The following PALS2 variants were observed in gnomAD, a reference collection of about 807,000 sequenced individuals.
The protein encoded by PALS2 is protein associated with LIN7 2, MAGUK p55 family member.
Under a neutral mutation model 61.6 loss-of-function variants are expected in PALS2, and 27 were observed. That is an observed-to-expected ratio of 0.44 (90% CI 0.32 to 0.60). The LOEUF is 0.60. Among genes scored for constraint, PALS2 ranks in the 20% least tolerant of loss-of-function variants. The pLI, the probability that PALS2 is intolerant of heterozygous loss-of-function variation, is 0.05. For missense variants in PALS2, 554 were observed against 639.4 expected (o/e 0.87, Z 1.44); for synonymous variants, 236 against 218.6 (o/e 1.08, Z -0.70).
intron 1 of PALS2, among the ~76,000 whole-genome samples, chr7:24,581,543 C>T (rs559665797): frequency 2.0e-5 from 3 of 152,274 alleles, no homozygotes; most frequent in African/African-American, 7.2e-5. Context: ...GTCCCATCTT[C>T]ATCACTTTCT....
intron 1 of PALS2, among the ~76,000 whole-genome samples, chr7:24,600,539 GA>G (rs1484529754): frequency 6.6e-6 from 1 of 152,104 alleles, no homozygotes; most frequent in Admixed American, 6.6e-5. Context: ...AGTTTCTTAT[GA>G]GAATGGAATT....
intron 2 of PALS2, among the ~76,000 whole-genome samples, chr7:24,627,132 C>T (rs1050501042): frequency 6.6e-6 from 1 of 152,118 alleles, no homozygotes; most frequent in East Asian, 1.9e-4. Context: ...CAGTCCTCAG[C>T]AAATGCAAAA....
At chr7:24,590,140 G>A (rs941649330) in intron 1 of PALS2, among the ~76,000 whole-genome samples, 1 of 152,134 alleles carries the variant, frequency 6.6e-6, no homozygotes, top group South Asian at 2.1e-4. Flanking sequence ...ATTTAAGTGC[G>A]CACAGACTTC....
chr7:24,611,762 G>A (rs537210112), intron 1 of PALS2, among the ~76,000 whole-genome samples: 13 of 152,106 alleles, frequency 8.5e-5, no homozygotes, highest in African/African-American at 3.1e-4. Flanking sequence ...GTTGTGTATA[G>A]GTGGTGGTAA....
chr7:24,607,972 A>G (rs1461719601), intron 1 of PALS2, among the ~76,000 whole-genome samples: 1 of 152,138 alleles, frequency 6.6e-6, no homozygotes, highest in Non-Finnish European at 1.5e-5. Context: ...AGGGGAGAAG[A>G]TCAGTTTTTG....
Position 24,687,281 on chromosome 7 carries a change from G to C in PALS2, c.1447-157G>C, listed in dbSNP as rs1332076030. 6.6e-6 allele frequency among the ~76,000 whole-genome samples: 1 copy of C among 152,222 alleles called. No homozygotes were observed. Among genetic ancestry groups the C allele is most frequent in the East Asian group, 1.9e-4 (1 of 5,202 alleles). On this transcript the variant is annotated intron_variant, in intron 11 of 11. Transcript: ENST00000222644. This position sits in a 1 kb window ranked among gnomAD's most constrained non-coding sequence, Gnocchi z 4.5. Reference sequence around the variant, plus strand: ...AAGAATAAGACATGAACAGATGGCAGTGTTGTCTTTAACACTATATGGATT... The same window carrying C: ...AAGAATAAGACATGAACAGATGGCACTGTTGTCTTTAACACTATATGGATT...
At chr7:24,606,053 G>A (rs1783887467) in intron 1 of PALS2, among the ~76,000 whole-genome samples, 1 of 152,058 alleles carries the variant, frequency 6.6e-6, no homozygotes, top group African/African-American at 2.4e-5. Context: ...ATGTTAGTTT[G>A]TGCTTTTTAT....
chr7:24,584,540 T>G (rs1275668026), intron 1 of PALS2, among the ~76,000 whole-genome samples: 1 of 149,756 alleles, frequency 6.7e-6, no homozygotes, highest in Non-Finnish European at 1.5e-5. Flanking sequence ...TTGTTTGAGT[T>G]CATTGTAGAT....
chr7:24,664,561 T>A (rs1251076732), intron 6 of PALS2, among the ~76,000 whole-genome samples: 2 of 152,150 alleles, frequency 1.3e-5, no homozygotes, highest in Non-Finnish European at 2.9e-5. Flanking sequence ...TGTTGGTAAC[T>A]CACATTAGCT....
intron 11 of PALS2, among the ~76,000 whole-genome samples, chr7:24,680,820 T>C (rs1433680659): frequency 6.6e-6 from 1 of 152,164 alleles, no homozygotes; most frequent in African/African-American, 2.4e-5. Context: ...GGTCTTGAAC[T>C]CCTGACCTCA....
intron 5 of PALS2, among the ~76,000 whole-genome samples, chr7:24,651,978 T>G (rs1786176095): frequency 6.6e-6 from 1 of 152,176 alleles, no homozygotes; most frequent in Non-Finnish European, 1.5e-5. Flanking sequence ...TAATTAACTT[T>G]GGTTGAAATG....
At chr7:24,680,689 G>A (rs1241213037) in intron 11 of PALS2, among the ~76,000 whole-genome samples, 169 bp downstream of exon 11, 5 of 152,140 alleles carry the variant, frequency 3.3e-5, no homozygotes, top group African/African-American at 7.2e-5. Context: ...TCCCCGTCCC[G>A]GGTTCAAGCG....
At chr7:24,577,142 TAGTA>T (rs1373334711) in intron 1 of PALS2, among the ~76,000 whole-genome samples, 2 of 152,166 alleles carry the variant, frequency 1.3e-5, no homozygotes, top group Non-Finnish European at 2.9e-5. Flanking sequence ...ATCTTTATCA[TAGTA>T]AGTATATTCA....
chr7:24,585,631 C>T (rs891118142), intron 1 of PALS2, among the ~76,000 whole-genome samples: 3 of 152,134 alleles, frequency 2.0e-5, no homozygotes, highest in Admixed American at 1.3e-4. Flanking sequence ...CTCTGTCTGT[C>T]CTTATTCTCA....
chr7:24,632,860 T>C (rs1785058473), intron 2 of PALS2, among the ~76,000 whole-genome samples: 1 of 152,160 alleles, frequency 6.6e-6, no homozygotes, highest in Non-Finnish European at 1.5e-5. Flanking sequence ...CTAAACATTG[T>C]ATGTGATTTC....
At chr7:24,612,640 AT>A (rs1395633096) in intron 1 of PALS2, among the ~76,000 whole-genome samples, 1 of 151,694 alleles carries the variant, frequency 6.6e-6, no homozygotes, top group East Asian at 1.9e-4. Context: ...TTTTAGTCTT[AT>A]TTGGTTATTA....
At chr7:24,575,470 C>G (rs1049695169) in intron 1 of PALS2, among the ~76,000 whole-genome samples, 2 of 152,106 alleles carry the variant, frequency 1.3e-5, no homozygotes, top group African/African-American at 2.4e-5. Flanking sequence ...ACTACATAGC[C>G]TGCTTCTCTC....
At chr7:24,657,543 T>A (rs953444648) in intron 5 of PALS2, among the ~76,000 whole-genome samples, 1 of 152,202 alleles carries the variant, frequency 6.6e-6, no homozygotes, top group African/African-American at 2.4e-5. Context: ...ATTTTGTCCA[T>A]TTTTTGTTGA....
intron 1 of PALS2, among the ~76,000 whole-genome samples, chr7:24,608,910 A>T (rs1490904708): frequency 6.6e-6 from 1 of 152,134 alleles, no homozygotes. Flanking sequence ...AGCATGGCCA[A>T]CCTTAGATTT....
Sources: allele counts gnomAD v4.1 joint callset (sites outside exome capture counted in the v4.1 genomes callset), GRCh38; gene constraint gnomAD v4.1.1; non-coding constraint Gnocchi (gnomAD v3.1); transcripts MANE v1.5; gene names NCBI Gene and HGNC (gene_info 2026-07-23, HGNC 2026-07-21).